CERS3: variants seen among roughly 807,000 people sequenced by gnomAD.
CERS3 encodes the protein ceramide synthase 3, also known as LAG1 homolog, ceramide synthase 3.
In CERS3, 33 loss-of-function variants were observed where a neutral mutation model predicts 50.3. The ratio of observed to expected loss-of-function variants is 0.66; its 90% confidence interval spans 0.50 to 0.88. The LOEUF is 0.88. Among genes scored for constraint, CERS3 ranks in the 40% least tolerant of loss-of-function variants. The pLI, the probability that CERS3 is intolerant of heterozygous loss-of-function variation, is 0.00. For synonymous variants in CERS3, 176 were observed against 155.2 expected (o/e 1.13, Z -0.99); for missense variants, 470 against 460.3 (o/e 1.02, Z -0.19).
intron 11 of CERS3, among the ~76,000 whole-genome samples, chr15:100,446,382 CT>C (rs397938426): frequency 4.3e-4 from 48 of 111,628 alleles, no homozygotes; most frequent in African/African-American, 1.9e-3. Context: ...TTTTTTTTTT[CT>C]TTAGATTAAC....
At chr15:100,459,169 A>G (rs1183729649) in intron 10 of CERS3, among the ~76,000 whole-genome samples, 1 of 152,256 alleles carries the variant, frequency 6.6e-6, no homozygotes, top group East Asian at 1.9e-4. Context: ...ATGTATCACC[A>G]TATATAATGG....
chr15:100,462,266 T>C (rs997773830), intron 10 of CERS3, among the ~76,000 whole-genome samples: 3 of 152,214 alleles, frequency 2.0e-5, no homozygotes, highest in African/African-American at 7.2e-5. Flanking sequence ...CTGTTTTCAG[T>C]TTTGTTTCCA....
intron 11 of CERS3, among the ~76,000 whole-genome samples, chr15:100,405,244 A>AC (rs1403267253): frequency 2.6e-5 from 1 of 38,744 alleles, no homozygotes; most frequent in Non-Finnish European, 7.7e-5. Flanking sequence ...AAAAAAAAAA[A>AC]AAAACAAAAA....
intron 3 of CERS3, among the ~76,000 whole-genome samples, chr15:100,498,880 CT>C (rs1478329380): frequency 6.6e-6 from 1 of 152,150 alleles, no homozygotes; most frequent in African/African-American, 2.4e-5. Flanking sequence ...AGAGGTTTTG[CT>C]TTGTTGTGTT....
At chr15:100,417,829 C>T (rs1022615784) in intron 11 of CERS3, among the ~76,000 whole-genome samples, 1 of 151,876 alleles carries the variant, frequency 6.6e-6, no homozygotes, top group Non-Finnish European at 1.5e-5. Flanking sequence ...ACACTGACAC[C>T]TCACACAGCA....
At chr15:100,516,760 G>C (rs1304300608) in intron 2 of CERS3, among the ~76,000 whole-genome samples, 2 of 152,116 alleles carry the variant, frequency 1.3e-5, no homozygotes, top group African/African-American at 4.8e-5. Context: ...CCACATAATG[G>C]GTACCAACTG....
chr15:100,497,276 G>GAC (rs1351445188), intron 3 of CERS3, among the ~76,000 whole-genome samples: 1 of 151,796 alleles, frequency 6.6e-6, no homozygotes, highest in African/African-American at 2.4e-5. Flanking sequence ...GAGACAGAGA[G>GAC]ACACACACAG....
intron 11 of CERS3, among the ~76,000 whole-genome samples, chr15:100,445,822 C>G (rs535812476): frequency 1.3e-5 from 2 of 152,146 alleles, no homozygotes; most frequent in African/African-American, 4.8e-5. Context: ...TGAGCCCAGG[C>G]TAAGCCATCA....
intron 2 of CERS3, among the ~76,000 whole-genome samples, chr15:100,518,371 C>T (rs568035711): frequency 2.6e-5 from 4 of 152,076 alleles, no homozygotes; most frequent in African/African-American, 9.6e-5. Flanking sequence ...ATGGCTCATA[C>T]AGGATATCTG....
At chr15:100,420,540 C>T (rs1411711870) in intron 11 of CERS3, among the ~76,000 whole-genome samples, 2 of 151,988 alleles carry the variant, frequency 1.3e-5, no homozygotes, top group African/African-American at 2.4e-5. Flanking sequence ...TGAAACTATT[C>T]CAATCAATAG....
chr15:100,535,560 A>C (rs1014937388), intron 1 of CERS3, among the ~76,000 whole-genome samples: 8 of 147,380 alleles, frequency 5.4e-5, no homozygotes, highest in Admixed American at 5.4e-4. Flanking sequence ...ATATGTAAGC[A>C]CGATTAGAAG....
chr15:100,439,718 G>A (rs989340381), intron 11 of CERS3, among the ~76,000 whole-genome samples: 1 of 152,152 alleles, frequency 6.6e-6, no homozygotes, highest in Non-Finnish European at 1.5e-5. Context: ...TTAAAAGGAG[G>A]CTTTACGGCT....
intron 2 of CERS3, among the ~76,000 whole-genome samples, chr15:100,509,959 C>T (rs967249933): frequency 4.0e-5 from 6 of 150,376 alleles, no homozygotes; most frequent in African/African-American, 1.2e-4. Context: ...GTTAAAGGGT[C>T]GGGTAAACAT....
intron 5 of CERS3, among the ~76,000 whole-genome samples, chr15:100,483,787 A>ATTATTATTTATTT (rs760594142): frequency 1.0e-5 from 1 of 100,040 alleles, no homozygotes. Flanking sequence ...TATTATTATT[A>ATTATTATTTATTT]TTTTTTTTTT....
intron 1 of CERS3, among the ~76,000 whole-genome samples, chr15:100,538,827 T>C (rs2037133985): frequency 6.6e-6 from 1 of 152,190 alleles, no homozygotes; most frequent in African/African-American, 2.4e-5. Context: ...AGAAAATAGT[T>C]TTTTCTTTTC....
Position 100,419,345 on chromosome 15 carries a change from A to C in CERS3, c.1000-16480T>G, listed in dbSNP as rs377360099. Among the ~76,000 whole-genome samples the C allele has an allele frequency of 4.4e-5, 4 of 91,428 alleles. No homozygotes were observed. The South Asian group carries it at 1.5e-3, about 33-fold the overall frequency. 60.0% of individuals were successfully genotyped at this position (91,428 alleles called of 152,430 possible). ...CAAAAGAGACAAAGAAGGCCATTAC[A>C]TAATGGTAAAGGGATCAATTCAACA... On this transcript the variant is annotated intron_variant, in intron 11 of 11. Transcript: ENST00000679737.
rs1193054939 is a variant in CERS3, at chr15:100,428,889, G to A, written c.1000-26024C>T. On this transcript the variant is annotated intron_variant, in intron 11 of 11. Coordinates refer to ENST00000679737, the MANE Select transcript of CERS3 (RefSeq NM_001378789.1). ...GGCCTTAAGGAAATGAACTCAAGTTGTAACCTATAGTTTAACAGGAGTAGC... is the reference window on the plus strand; with the variant it reads ...GGCCTTAAGGAAATGAACTCAAGTTATAACCTATAGTTTAACAGGAGTAGC... Among the ~76,000 whole-genome samples the A allele has an allele frequency of 2.6e-5, 4 of 152,350 alleles. No homozygotes were observed. The East Asian group carries it at 7.7e-4, about 29-fold the overall frequency.
intron 11 of CERS3, among the ~76,000 whole-genome samples, chr15:100,453,070 AAAG>A (rs774499219): frequency 4.6e-5 from 7 of 151,798 alleles, no homozygotes; most frequent in Non-Finnish European, 8.8e-5. Flanking sequence ...CCAAATTTAC[AAAG>A]AAGAATTTAC....
chr15:100,513,540 CTT>C (rs11428048), intron 2 of CERS3, among the ~76,000 whole-genome samples: 2,316 of 143,922 alleles, frequency 0.016, 50 homozygotes, highest in African/African-American at 0.045. Context: ...GTTTTCTTTT[CTT>C]TTTTTTTTTT....
Sources: allele counts gnomAD v4.1 joint callset (sites outside exome capture counted in the v4.1 genomes callset), GRCh38; gene constraint gnomAD v4.1.1; transcripts MANE v1.5; gene names NCBI Gene and HGNC (gene_info 2026-07-23, HGNC 2026-07-21).